The following RBBP8NL variants were observed in gnomAD, a reference collection of about 807,000 sequenced individuals.
The protein encoded by RBBP8NL is RBBP8 N-terminal like, also known as RBBP8 N-terminal-like protein.
Under a neutral mutation model 62.2 loss-of-function variants are expected in RBBP8NL, and 59 were observed. The observed-to-expected ratio is 0.95, with a 90% CI of 0.77 to 1.18. The LOEUF is 1.18. Ranked by LOEUF, RBBP8NL falls within the 50% of genes most tolerant of loss-of-function variation. The pLI is 0.00. For synonymous variants in RBBP8NL, 412 were observed against 394.1 expected (o/e 1.05, Z -0.54); for missense variants, 896 against 899.5 (o/e 1.00, Z 0.05).
chr20:62,412,493 G>A, intron 13 of RBBP8NL, 131 bp downstream of exon 13: 2 of 1,261,210 alleles, frequency 1.6e-6, no homozygotes, highest in South Asian at 2.7e-5. Flanking sequence ...GAGGGTTGAG[G>A]TTCATTTTTG....
At chr20:62,415,733 G>A (rs997255420) in intron 7 of RBBP8NL, 55 bp downstream of exon 7, 2 of 1,608,286 alleles carry the variant, frequency 1.2e-6, no homozygotes, top group Non-Finnish European at 1.7e-6. Flanking sequence ...CCAGGGGGAG[G>A]ATCCCTGGTC....
rs1988462330 is a variant in RBBP8NL, at chr20:62,412,720, T to G, written c.1780A>C (p.Ser594Arg). 5 of 1,611,388 alleles carry G rather than the reference T, an allele frequency of 3.1e-6. No homozygotes were observed. Among genetic ancestry groups the G allele is most frequent in the Non-Finnish European group, 4.2e-6 (5 of 1,179,970 alleles). ...GLSSQAEATTSTTGEGPECIC... is the reference protein window; with the variant it reads ...GLSSQAEATTRTTGEGPECIC... Reference sequence around the variant, plus strand: ...CACTCAGGCCCCTCCCCGGTCGTGCTCGTAGTGGCCTCCGCCTGGGAGCTC... The same window carrying G: ...CACTCAGGCCCCTCCCCGGTCGTGCGCGTAGTGGCCTCCGCCTGGGAGCTC... Residue 594 changes from serine to arginine, a missense_variant, in exon 13 of 14, where the codon AGC (serine) becomes CGC (arginine). Coordinates refer to ENST00000252998, the MANE Select transcript of RBBP8NL (RefSeq NM_080833.3).
At chr20:62,416,294 T>TGGGGGGGCTGGGGGGGGGGGGG in intron 5 of RBBP8NL, 58 bp from the exon 6 acceptor site, 1 of 515,306 alleles carries the variant, frequency 1.9e-6, no homozygotes, top group Non-Finnish European at 3.8e-6. Flanking sequence ...GGGGCAGGGG[T>TGGGGGGGCTGGGGGGGGGGGGG]GGGGTCGTCA....
rs760395700 is a variant in RBBP8NL, at chr20:62,416,846, C to T, written c.227G>A (p.Cys76Tyr). 1.0e-5 allele frequency: 16 copies of T among 1,574,484 alleles called. No individual in the cohort carries two copies. Among genetic ancestry groups the T allele is most frequent in the Non-Finnish European group, 1.2e-5 (14 of 1,160,130 alleles). Residue 76 changes from cysteine to tyrosine, a missense_variant, in exon 5 of 14, where the codon TGC (cysteine) becomes TAC (tyrosine). Coordinates refer to ENST00000252998, the MANE Select transcript of RBBP8NL (RefSeq NM_080833.3). ...CCTGGCCAGCTCCTGGGTGACCATG[C>T]AGCGGTCGCACAGGCCGGCCCGCAG... ...NRLRAGLCDRCMVTQELARKR... is the reference protein window; with the variant it reads ...NRLRAGLCDRYMVTQELARKR...
At chr20:62,421,412 C>CGT (rs201825404) in intron 1 of RBBP8NL, among the ~76,000 whole-genome samples, 1 of 91,392 alleles carries the variant, frequency 1.1e-5, no homozygotes, top group African/African-American at 5.1e-5. Flanking sequence ...CGTGAGTGTG[C>CGT]GTGTGTGTGC....
chr20:62,415,103 G>T lies in RBBP8NL; in HGVS notation c.794+18C>A. The T allele has an allele frequency of 6.9e-7, 1 of 1,455,942 alleles. No individual in the cohort carries two copies. The highest frequency in any genetic ancestry group is 1.4e-5 in the South Asian group (1 of 69,474). 90.2% of individuals were successfully genotyped at this position (1,455,942 alleles called of 1,614,324 possible). On this transcript the variant is annotated intron_variant, in intron 9 of 13. Coordinates refer to ENST00000252998, the MANE Select transcript of RBBP8NL (RefSeq NM_080833.3). The stretch of plus-strand genomic sequence containing the variant: ...CTCATCTGAGGCTACTCTGGGTGAG[G>T]GTGGGGCAGGCGGGCACCTGTCCAG...
chr20:62,412,556 A>G, intron 13 of RBBP8NL, 68 bp downstream of exon 13: 1 of 1,561,734 alleles, frequency 6.4e-7, no homozygotes, highest in East Asian at 2.3e-5. Flanking sequence ...GAGAGGTGGC[A>G]CTGGGGAGAG....
Position 62,419,686 on chromosome 20 carries a change from G to A in RBBP8NL, c.-39C>T. 6.2e-7 allele frequency: 1 copy of A among 1,608,256 alleles called. No homozygotes were observed. Among genetic ancestry groups the A allele is most frequent in the Non-Finnish European group, 8.5e-7 (1 of 1,177,402 alleles). On this transcript the variant is annotated 5_prime_UTR_variant, in exon 2 of 14. Transcript: ENST00000252998. ...CCTGGCCCGGGCCCCTCTGCGCTGGGGTTGTGGAGACGCCTGCAGCCTCTA... is the reference window on the plus strand; with the variant it reads ...CCTGGCCCGGGCCCCTCTGCGCTGGAGTTGTGGAGACGCCTGCAGCCTCTA...
At chr20:62,422,936 G>T (rs1988738927) in intron 1 of RBBP8NL, among the ~76,000 whole-genome samples, 2 of 152,142 alleles carry the variant, frequency 1.3e-5, no homozygotes, top group East Asian at 1.9e-4. Flanking sequence ...GGGGCCTCCA[G>T]CCACCCTCGG....
chr20:62,414,961 T>G (rs1036159473), intron 9 of RBBP8NL, among the ~76,000 whole-genome samples, 160 bp downstream of exon 9: 1 of 152,098 alleles, frequency 6.6e-6, no homozygotes, highest in Non-Finnish European at 1.5e-5. Flanking sequence ...ACTCTGGAGG[T>G]GTCCACGTGG....
intron 1 of RBBP8NL, among the ~76,000 whole-genome samples, chr20:62,425,337 A>G (rs910240830): frequency 6.6e-6 from 1 of 152,182 alleles, no homozygotes; most frequent in African/African-American, 2.4e-5. Flanking sequence ...AGGAGGACGC[A>G]GCCCTCCCCA....
Position 62,415,245 on chromosome 20 carries a change from C to T in RBBP8NL, c.670G>A (p.Val224Met), listed in dbSNP as rs368889241. The T allele has an allele frequency of 2.8e-5, 44 of 1,561,168 alleles. No individual in the cohort carries two copies. Among genetic ancestry groups the T allele is most frequent in the South Asian group, 1.9e-4 (16 of 85,204 alleles). ...CAAGCCTGGGACCCAGGCCGCACCACGGCAATGGTCCCGTGCAGCTGGTTG... is the reference window on the plus strand; with the variant it reads ...CAAGCCTGGGACCCAGGCCGCACCATGGCAATGGTCCCGTGCAGCTGGTTG... Reference protein sequence around the residue: ...ISNQLHGTIAVVRPGSQACPA... With the variant: ...ISNQLHGTIAMVRPGSQACPA... The change falls in exon 9 of 14, where the codon GTG (valine) becomes ATG (methionine). Residue 224 changes from valine to methionine, a missense_variant. By Grantham distance (21) the Val-to-Met change is conservative (BLOSUM62 1). Transcript: ENST00000252998.
At chr20:62,425,801 T>C (rs1988789641) in intron 1 of RBBP8NL, among the ~76,000 whole-genome samples, 1 of 152,282 alleles carries the variant, frequency 6.6e-6, no homozygotes, top group South Asian at 2.1e-4. Context: ...CCTCCGTCTC[T>C]GAGGCCTGGG....
At chr20:62,418,400 G>A (rs1248382651) in intron 3 of RBBP8NL, 23 bp downstream of exon 3, 5 of 1,549,944 alleles carry the variant, frequency 3.2e-6, no homozygotes, top group Admixed American at 2.0e-5. Flanking sequence ...CTGTGAGGAG[G>A]GGCCCTGCTT....
At chr20:62,420,866 G>A (rs908916896) in intron 1 of RBBP8NL, among the ~76,000 whole-genome samples, 1 of 152,258 alleles carries the variant, frequency 6.6e-6, no homozygotes, top group Non-Finnish European at 1.5e-5. Context: ...GTGGTCTCAC[G>A]GACTAAGGCC....
chr20:62,419,328 C>A (rs1988649087), intron 2 of RBBP8NL, among the ~76,000 whole-genome samples: 1 of 152,178 alleles, frequency 6.6e-6, no homozygotes, highest in South Asian at 2.1e-4. Context: ...AAGTGCCCCT[C>A]CCCCTCGGGG....
At position 62,414,225 on chromosome 20, in the gene RBBP8NL, T is replaced by C; in HGVS notation, c.1126A>G (p.Arg376Gly). The C allele has an allele frequency of 1.2e-6, 2 of 1,603,962 alleles. No homozygotes were observed. The highest frequency in any genetic ancestry group is 1.7e-6 in the Non-Finnish European group (2 of 1,176,420). ...ARARAGSVRP[R>G]GQPTPGEMLP... ...ATCTCCCCGGGTGTGGGCTGGCCCC[T>C]TGGCCTGACACTGCCTGCCCTGGCC... is the stretch of plus-strand genomic sequence containing the variant. Residue 376 changes from arginine (R) to glycine (G), a missense_variant, in exon 10 of 14, where the codon AGG becomes GGG. Coordinates refer to ENST00000252998, the MANE Select transcript of RBBP8NL (RefSeq NM_080833.3).
chr20:62,414,843 G>C (rs1025510928), intron 9 of RBBP8NL, among the ~76,000 whole-genome samples: 1 of 152,170 alleles, frequency 6.6e-6, no homozygotes, highest in Non-Finnish European at 1.5e-5. Flanking sequence ...CAGGGACATC[G>C]GCCCCCTGCT....
At chr20:62,417,474 C>A (rs894276121) in intron 3 of RBBP8NL, among the ~76,000 whole-genome samples, 155 bp from the exon 4 acceptor site, 18 of 149,574 alleles carry the variant, frequency 1.2e-4, no homozygotes, top group African/African-American at 4.0e-4. Flanking sequence ...GTCATCTGCA[C>A]GCTCCTCTGT....
Sources: gnomAD v4.1 joint callset for allele counts (sites outside exome capture counted in the v4.1 genomes callset) on GRCh38, gnomAD v4.1.1 for gene constraint, MANE v1.5 for transcripts, NCBI Gene and HGNC (gene_info 2026-07-23, HGNC 2026-07-21) for gene names.